RIMS3: variants seen among roughly 807,000 people sequenced by gnomAD.
RIMS3 encodes regulating synaptic membrane exocytosis 3.
RIMS3 carries 15 observed loss-of-function variants against 29.2 expected under a neutral mutation model. That is an observed-to-expected ratio of 0.51 (90% CI 0.34 to 0.79). The LOEUF is 0.79. Ranked by LOEUF, RIMS3 falls within the 30% of genes least tolerant of loss-of-function variation. The pLI is 0.01. For missense variants in RIMS3, 342 were observed against 421.4 expected, an observed-to-expected ratio of 0.81 and a Z score of 1.65; for synonymous variants, 161 against 170.1, an observed-to-expected ratio of 0.95 and a Z score of 0.41.
At chr1:40,652,553 AG>A (rs1642190621) in intron 1 of RIMS3, among the ~76,000 whole-genome samples, 1 of 152,186 alleles carries the variant, frequency 6.6e-6, no homozygotes, top group Non-Finnish European at 1.5e-5. Flanking sequence ...GTGGCTCTAA[AG>A]GAAGGAGGCG....
rs181851189 is a variant in RIMS3 at position 40,644,026 on chromosome 1, G to C, written c.-31-2070C>G. On this transcript the variant is annotated intron_variant, in intron 2 of 7. Coordinates refer to ENST00000372684, the MANE Select transcript of RIMS3 (RefSeq NM_014747.3). ...CTTAGCAACTCTTACTTGTCCAAGG[G>C]GGGGAAGATTTGGATCCCATGCTTA... 1.2e-3 allele frequency among the ~76,000 whole-genome samples: 175 copies of C among 146,564 alleles called. 3 individuals are homozygous for C. Among genetic ancestry groups the C allele is most frequent in the African/African-American group, 4.3e-3 (166 of 39,010 alleles).
Position 40,626,184 on chromosome 1 carries a change from T to C in RIMS3, c.*333A>G. On this transcript the variant is annotated 3_prime_UTR_variant, in exon 8 of 8. Transcript: ENST00000372684. ...ATGCCCCACCTCCATCCCTGGAGAC[T>C]CCTCAGGGTGAGTCATGTCCACACA... 1 of 384,444 alleles carries C rather than the reference T, an allele frequency of 2.6e-6. No homozygotes were observed. Among genetic ancestry groups the C allele is most frequent in the Non-Finnish European group, 5.0e-6 (1 of 201,732 alleles). 23.8% of individuals were successfully genotyped at this position (384,444 alleles called of 1,614,324 possible). A position where few individuals can be genotyped will look rare whatever the true frequency, so the allele number is the denominator to read the frequency against.
chr1:40,668,056 T>C (rs1642446296), upstream of RIMS3, among the ~76,000 whole-genome samples: 1 of 151,914 alleles, frequency 6.6e-6, no homozygotes, highest in South Asian at 2.1e-4. Context: ...ATTGAGACCA[T>C]CCTAGCCAAC....
chr1:40,646,002 G>A (rs1400200030), intron 2 of RIMS3, among the ~76,000 whole-genome samples: 1 of 152,206 alleles, frequency 6.6e-6, no homozygotes, highest in Non-Finnish European at 1.5e-5. Flanking sequence ...GACCTTGTGG[G>A]TCAGAAGTCC....
chr1:40,656,354 T>C (rs991577732), intron 1 of RIMS3, among the ~76,000 whole-genome samples: 1 of 152,176 alleles, frequency 6.6e-6, no homozygotes, highest in Non-Finnish European at 1.5e-5. Flanking sequence ...AAATAGAAAA[T>C]GACAATAAAA....
chr1:40,678,069 A>G, the RIMS3 span, among the ~76,000 whole-genome samples: 1 of 152,218 alleles, frequency 6.6e-6, no homozygotes, highest in African/African-American at 2.4e-5. Context: ...GAAGACAGAA[A>G]AGGTTGAGAA....
At chr1:40,679,439 A>C in the RIMS3 span, among the ~76,000 whole-genome samples, 3 of 152,236 alleles carry the variant, frequency 2.0e-5, no homozygotes, top group South Asian at 4.1e-4. Flanking sequence ...AAATAGGCAA[A>C]TGACTAGTGC....
At chr1:40,673,982 AATAAAG>A in the RIMS3 span, among the ~76,000 whole-genome samples, 55 of 152,344 alleles carry the variant, frequency 3.6e-4, no homozygotes, top group African/African-American at 1.3e-3. Context: ...TACATGATAT[AATAAAG>A]ATAAAGACAA....
chr1:40,655,828 A>T (rs1157096074), intron 1 of RIMS3, among the ~76,000 whole-genome samples: 1 of 152,192 alleles, frequency 6.6e-6, no homozygotes, highest in African/African-American at 2.4e-5. Flanking sequence ...GATATGGTCA[A>T]ACCCCGTCTG....
Position 40,628,269 on chromosome 1 carries a change from T to A in RIMS3, c.714+541A>T, listed in dbSNP as rs145095109. Among the ~76,000 whole-genome samples the A allele has an allele frequency of 1.5e-3, 221 of 152,338 alleles. 4 individuals carry two copies. The highest frequency in any genetic ancestry group is 5.1e-3 in the African/African-American group (212 of 41,562). On this transcript the variant is annotated intron_variant, in intron 7 of 7. Coordinates refer to ENST00000372684, the MANE Select transcript of RIMS3 (RefSeq NM_014747.3). ...AGGTTCTTCATCTATGAAACGAGCA[T>A]GAAGATCCCTCCCTCCCAGGACTGT...
rs1205749464 is a variant in RIMS3, at chr1:40,654,431, G to A, written c.-206-6589C>T. Among the ~76,000 whole-genome samples the A allele has an allele frequency of 6.6e-6, 1 of 152,124 alleles. No individual in the cohort carries two copies. The highest frequency in any genetic ancestry group is 6.5e-5 in the Admixed American group (1 of 15,274). ...GCACGCAAGCCATACACCTCCGGTT[G>A]GCCACTCCGACGCGCCACAGAGCGA... is the stretch of plus-strand genomic sequence containing the variant. On this transcript the variant is annotated intron_variant, in intron 1 of 7. Transcript: ENST00000372684. This position sits in a 1 kb window ranked among gnomAD's most constrained non-coding sequence, Gnocchi z 5.3.
chr1:40,679,954 A>C, the RIMS3 span, among the ~76,000 whole-genome samples: 2 of 151,404 alleles, frequency 1.3e-5, no homozygotes, highest in African/African-American at 4.9e-5. Flanking sequence ...GAGCTCCAGC[A>C]CAGTTGATTG....
chr1:40,638,994 T>C (rs1248972309), intron 3 of RIMS3, among the ~76,000 whole-genome samples: 2 of 152,012 alleles, frequency 1.3e-5, no homozygotes, highest in Non-Finnish European at 2.9e-5. Flanking sequence ...GCAGGAGAGC[T>C]AGAGAGGAGG....
At chr1:40,658,664 C>A (rs561493054) in intron 1 of RIMS3, among the ~76,000 whole-genome samples, 17 of 152,300 alleles carry the variant, frequency 1.1e-4, no homozygotes, top group African/African-American at 3.8e-4. Context: ...TGGCTGAAAC[C>A]AAGGGACACA....
chr1:40,671,902 A>G, the RIMS3 span, among the ~76,000 whole-genome samples: 2 of 151,826 alleles, frequency 1.3e-5, no homozygotes, highest in African/African-American at 4.8e-5. Context: ...AGCTGTGACT[A>G]CAGGCATGTA....
At chr1:40,681,564 T>A in the RIMS3 span, 10 of 152,282 alleles carry the variant, frequency 6.6e-5, no homozygotes, top group African/African-American at 2.4e-4. Context: ...AAAAAAAAAT[T>A]ATCACCTGTA....
At chr1:40,632,261 T>C (rs1255846989) in intron 5 of RIMS3, among the ~76,000 whole-genome samples, 4 of 152,006 alleles carry the variant, frequency 2.6e-5, no homozygotes, top group African/African-American at 9.7e-5. Flanking sequence ...ATGCATCATA[T>C]ACATGACAGT....
chr1:40,628,394 T>C (rs1646468246), intron 7 of RIMS3, among the ~76,000 whole-genome samples: 1 of 152,252 alleles, frequency 6.6e-6, no homozygotes, highest in African/African-American at 2.4e-5. Context: ...AGCAAGTGAC[T>C]TCATCTGTAA....
chr1:40,644,502 A>G (rs1646581562), intron 2 of RIMS3, among the ~76,000 whole-genome samples: 1 of 152,226 alleles, frequency 6.6e-6, no homozygotes, highest in South Asian at 2.1e-4. Flanking sequence ...TCCAAGACGG[A>G]GACAGACAGT....
Sources: gnomAD v4.1 joint callset for allele counts (sites outside exome capture counted in the v4.1 genomes callset) on GRCh38, gnomAD v4.1.1 for gene constraint, Gnocchi (gnomAD v3.1) non-coding constraint, MANE v1.5 for transcripts, NCBI Gene and HGNC (gene_info 2026-07-23, HGNC 2026-07-21) for gene names.